The following DNAH14 variants were observed in gnomAD, a reference collection of about 807,000 sequenced individuals.
DNAH14 encodes axonemal beta dynein heavy chain 14.
Under a neutral mutation model 520.9 loss-of-function variants are expected in DNAH14, and 478 were observed. That is an observed-to-expected ratio of 0.92 (90% CI 0.85 to 0.99). The LOEUF is 0.99. Ranked by LOEUF, DNAH14 falls within the 50% of genes least tolerant of loss-of-function variation. DNAH14 has a pLI of 0.00. For missense variants in DNAH14, 4,831 were observed against 5,234.5 expected (o/e 0.92, Z 2.38); for synonymous variants, 1,581 against 1,757.2 (o/e 0.90, Z 2.51).
chr1:224,980,866 G>A (rs1270157418), intron 8 of DNAH14, among the ~76,000 whole-genome samples: 1 of 152,198 alleles, frequency 6.6e-6, no homozygotes, highest in Non-Finnish European at 1.5e-5. Context: ...GGGAGGGATA[G>A]CATTAGGAGA....
intron 17 of DNAH14, among the ~76,000 whole-genome samples, chr1:225,059,244 C>G (rs1333023611): frequency 1.3e-5 from 2 of 152,172 alleles, no homozygotes; most frequent in Non-Finnish European, 2.9e-5. Flanking sequence ...GGATAGTTAG[C>G]TCTTCTTGTT....
intron 38 of DNAH14, among the ~76,000 whole-genome samples, chr1:225,194,906 GAA>G (rs1185528090): frequency 1.3e-5 from 2 of 152,056 alleles, no homozygotes; most frequent in Non-Finnish European, 2.9e-5. Context: ...ATAACCATAT[GAA>G]AAAATACTCA....
At chr1:225,280,614 GA>G (rs140013468) in intron 54 of DNAH14, among the ~76,000 whole-genome samples, 26,311 of 150,660 alleles carry the variant, frequency 0.17, 2,835 homozygotes, top group East Asian at 0.33. Flanking sequence ...AAAAAAGAAA[GA>G]AAAAAAGAAG....
chr1:225,081,385 A>G (rs1558895166), intron 19 of DNAH14, among the ~76,000 whole-genome samples: 1 of 152,248 alleles, frequency 6.6e-6, no homozygotes, highest in African/African-American at 2.4e-5. Flanking sequence ...ATATAACAGT[A>G]GCACAAAAGT....
intron 44 of DNAH14, among the ~76,000 whole-genome samples, chr1:225,257,464 C>T (rs1271934610): frequency 6.6e-6 from 1 of 152,126 alleles, no homozygotes; most frequent in Non-Finnish European, 1.5e-5. Flanking sequence ...TATATTGTGA[C>T]ATGATTACAT....
At chr1:225,029,159 G>A (rs546120512) in intron 11 of DNAH14, among the ~76,000 whole-genome samples, 1 of 152,058 alleles carries the variant, frequency 6.6e-6, no homozygotes. Context: ...TTAAGTGAAG[G>A]AAGCCAGACT....
chr1:225,024,419 G>T, intron 11 of DNAH14: 1 of 218,168 alleles, frequency 4.6e-6, no homozygotes, highest in Non-Finnish European at 7.8e-6. Context: ...TCCACAACTG[G>T]ATATATCTAC....
chr1:225,360,640 T>A (rs1219515693), intron 74 of DNAH14, 41 bp from the exon 75 acceptor site: 1 of 1,483,168 alleles, frequency 6.7e-7, no homozygotes, highest in Non-Finnish European at 9.2e-7. Context: ...GGGAATTAAA[T>A]GAGCTTACAG....
At chr1:225,347,348 A>T (rs1261102590) in intron 71 of DNAH14, among the ~76,000 whole-genome samples, 1 of 152,176 alleles carries the variant, frequency 6.6e-6, no homozygotes, top group East Asian at 1.9e-4. Flanking sequence ...CCGAGAAGAG[A>T]TTCCAGTGAA....
chr1:225,337,505 G>A lies in DNAH14; in HGVS notation c.10311+9G>A, dbSNP rs2095081434. ...GGAGTGTCCTCCTGCAGGTAAGTGGGCAGTATGGCCTAATTTCCCTTGCAG... is the reference window on the plus strand; with the variant it reads ...GGAGTGTCCTCCTGCAGGTAAGTGGACAGTATGGCCTAATTTCCCTTGCAG... On this transcript the variant is annotated intron_variant, in intron 67 of 85. Transcript: ENST00000682510. The A allele has an allele frequency of 6.5e-7, 1 of 1,547,674 alleles. No individual in the cohort carries two copies. The highest frequency in any genetic ancestry group is 1.2e-5 in the South Asian group (1 of 83,866).
chr1:225,026,376 C>A (rs2066121978), intron 11 of DNAH14, among the ~76,000 whole-genome samples: 1 of 151,906 alleles, frequency 6.6e-6, no homozygotes, highest in South Asian at 2.1e-4. Context: ...TATCTAAGAT[C>A]TTATAACTTT....
At position 225,324,249 on chromosome 1, in the gene DNAH14, AC is replaced by A; in HGVS notation, c.9525del (p.Leu3176TyrfsTer24). 1 of 1,551,590 alleles carries A rather than the reference AC, an allele frequency of 6.4e-7. No individual in the cohort carries two copies. Among genetic ancestry groups the A allele is most frequent in the Non-Finnish European group, 8.7e-7 (1 of 1,146,984 alleles). On this transcript the variant is annotated frameshift_variant, in exon 63 of 86. Transcript: ENST00000682510. LOFTEE classifies it high-confidence loss of function. ...TTTCGTGAAGCTAAAAAAAATTGTA[AC>A]CTTACCTGATTTCAACCCACACAAG... ...KVFVKLKKIV[T>X]LPDFNPHKIS...
At chr1:224,986,111 A>G (rs1321860776) in intron 8 of DNAH14, among the ~76,000 whole-genome samples, 2 of 151,564 alleles carry the variant, frequency 1.3e-5, no homozygotes, top group African/African-American at 2.4e-5. Context: ...AGTAACAAGT[A>G]AGAAGATCAA....
At chr1:225,023,893 T>C in intron 11 of DNAH14, 28 bp downstream of exon 11, 3 of 1,500,846 alleles carry the variant, frequency 2.0e-6, no homozygotes, top group Non-Finnish European at 1.8e-6. Flanking sequence ...AGTCAAAAAG[T>C]AACTTACAAT....
chr1:225,163,537 A>C (rs563527049), intron 35 of DNAH14, among the ~76,000 whole-genome samples: 1 of 152,270 alleles, frequency 6.6e-6, no homozygotes, highest in Admixed American at 6.5e-5. Context: ...CCTTCTATAC[A>C]CAGTTATTTG....
At chr1:225,354,171 A>G in intron 73 of DNAH14, 1 of 702,214 alleles carries the variant, frequency 1.4e-6, no homozygotes, top group South Asian at 1.5e-5. Context: ...TCTGCCTATA[A>G]AGAACATACT....
intron 11 of DNAH14, among the ~76,000 whole-genome samples, chr1:225,029,463 GTAT>G (rs538103812): frequency 8.7e-4 from 132 of 152,078 alleles, no homozygotes; most frequent in African/African-American, 3.0e-3. Context: ...TAAAAATAAA[GTAT>G]TATTTATTTA....
intron 42 of DNAH14, 109 bp from the exon 43 acceptor site, chr1:225,240,484 A>G (rs1196900986): frequency 2.9e-6 from 2 of 679,358 alleles, no homozygotes; most frequent in African/African-American, 3.6e-5. Context: ...ACCTAACTGC[A>G]TTACAATTTT....
intron 73 of DNAH14, 60 bp downstream of exon 73, chr1:225,353,948 C>A: frequency 1.0e-6 from 1 of 966,036 alleles, no homozygotes; most frequent in Non-Finnish European, 1.6e-6. Flanking sequence ...TTATTAGTAA[C>A]TTAAACCCTT....
Sources: allele counts gnomAD v4.1 joint callset (sites outside exome capture counted in the v4.1 genomes callset), GRCh38; gene constraint gnomAD v4.1.1; transcripts MANE v1.5; gene names NCBI Gene and HGNC (gene_info 2026-07-23, HGNC 2026-07-21).